Variants in RAB44 observed in about 807,000 individuals in gnomAD.
RAB44 encodes ras-related protein Rab-44.
A neutral mutation model predicts 93.3 loss-of-function variants in RAB44; 67 were observed. The observed-to-expected ratio is 0.72, with a 90% CI of 0.59 to 0.88. The LOEUF is 0.88. Among genes scored for constraint, RAB44 ranks in the 40% least tolerant of loss-of-function variants. RAB44 has a pLI of 0.00. For synonymous variants in RAB44, 427 were observed against 520.3 expected, an observed-to-expected ratio of 0.82 and a Z score of 2.44; for missense variants, 1,064 against 1,261.7, an observed-to-expected ratio of 0.84 and a Z score of 2.37.
At chr6:36,726,716 C>T (rs1763247017) in intron 10 of RAB44, among the ~76,000 whole-genome samples, 1 of 151,904 alleles carries the variant, frequency 6.6e-6, no homozygotes, top group Non-Finnish European at 1.5e-5. Flanking sequence ...AATAGGGGAC[C>T]AGTTAAATAA....
At chr6:36,710,477 G>A (rs1291055172) in intron 2 of RAB44, among the ~76,000 whole-genome samples, 1 of 151,952 alleles carries the variant, frequency 6.6e-6, no homozygotes, top group Non-Finnish European at 1.5e-5. Context: ...TTCTTTTGGT[G>A]ATTGTAAATA....
chr6:36,715,674 G>T (rs1416769759), intron 4 of RAB44, 21 bp downstream of exon 4: 2 of 1,533,556 alleles, frequency 1.3e-6, no homozygotes, highest in Non-Finnish European at 1.7e-6. Context: ...GGCGGCATGT[G>T]CATGGGGAGA....
intron 10 of RAB44, among the ~76,000 whole-genome samples, 189 bp from the exon 11 acceptor site, chr6:36,727,388 A>C (rs1763262662): frequency 6.6e-6 from 1 of 152,208 alleles, no homozygotes; most frequent in Admixed American, 6.5e-5. Context: ...GTTCTCCTTG[A>C]GACCTTTTGA....
intron 9 of RAB44, among the ~76,000 whole-genome samples, chr6:36,724,798 G>A (rs1763194783): frequency 6.6e-6 from 1 of 152,086 alleles, no homozygotes; most frequent in Non-Finnish European, 1.5e-5. Flanking sequence ...CTGCCCCCCG[G>A]TGGCTATCGT....
intron 1 of RAB44, among the ~76,000 whole-genome samples, chr6:36,703,065 T>C (rs1276139194): frequency 6.6e-6 from 1 of 152,234 alleles, no homozygotes; most frequent in Admixed American, 6.5e-5. Flanking sequence ...CAGAAATTTA[T>C]TTCCTCATCC....
rs1473364484 is a variant in RAB44 at position 36,717,452 on chromosome 6, G to A, written c.641+33G>A. On this transcript the variant is annotated intron_variant, in intron 5 of 13. Transcript: ENST00000612677. This position sits in a 1 kb window ranked among gnomAD's most constrained non-coding sequence, Gnocchi z 4.1. ...GGGGGCCTGGCCGGGTGTCTGATAC[G>A]AAGTAGGTGCTCTTCACATTCCAGT... The A allele has an allele frequency of 6.2e-5, 76 of 1,231,794 alleles. No homozygotes were observed. Among genetic ancestry groups the A allele is most frequent in the South Asian group, 1.2e-4 (3 of 24,268 alleles). 76.3% of individuals were successfully genotyped at this position (1,231,794 alleles called of 1,614,324 possible).
At chr6:36,727,289 T>C (rs1388101288) in intron 10 of RAB44, among the ~76,000 whole-genome samples, 1 of 152,068 alleles carries the variant, frequency 6.6e-6, no homozygotes, top group Non-Finnish European at 1.5e-5. Context: ...TCTGGAAAAA[T>C]ATTTAAGAAA....
chr6:36,704,106 G>A lies in RAB44; in HGVS notation c.-12-118G>A, dbSNP rs774657336. 599 of 928,816 alleles carry A rather than the reference G, an allele frequency of 6.4e-4. 2 individuals are homozygous for A. The highest frequency in any genetic ancestry group is 8.6e-4 in the Non-Finnish European group (536 of 620,212). 57.5% of individuals were successfully genotyped at this position (928,816 alleles called of 1,614,324 possible). A position where few individuals can be genotyped will look rare whatever the true frequency, so the allele number is the denominator to read the frequency against. On this transcript the variant is annotated intron_variant, in intron 1 of 13. Transcript: ENST00000612677. ...GACCCGGCGGGACACCATCAGGCCG[G>A]GCTTTGGCAGCCACAGTGGATTTTC...
chr6:36,718,211 C>A, intron 6 of RAB44, 93 bp downstream of exon 6: 1 of 823,058 alleles, frequency 1.2e-6, no homozygotes, highest in Non-Finnish European at 1.6e-6. Flanking sequence ...GGGTGGGGAA[C>A]AGGAGGCTGC....
At chr6:36,704,510 A>G (rs1421992892) in intron 2 of RAB44, 68 bp downstream of exon 2, 3 of 1,436,546 alleles carry the variant, frequency 2.1e-6, no homozygotes, top group Non-Finnish European at 2.8e-6. Flanking sequence ...CCTCTCCCCC[A>G]TCACAGGAAG....
At chr6:36,714,876 T>A (rs1035263682) in intron 3 of RAB44, among the ~76,000 whole-genome samples, 1 of 152,186 alleles carries the variant, frequency 6.6e-6, no homozygotes, top group Non-Finnish European at 1.5e-5. Context: ...ACCTCGTCCA[T>A]CTTGCTAGCC....
In RAB44 at chr6:36,721,198, C is replaced by G; in HGVS notation, c.1064C>G (p.Pro355Arg). 4.1e-6 allele frequency: 5 copies of G among 1,234,444 alleles called. No homozygotes were observed. The highest frequency in any genetic ancestry group is 5.1e-6 in the Non-Finnish European group (5 of 988,226). 76.5% of individuals were successfully genotyped at this position (1,234,444 alleles called of 1,614,324 possible). A position where few individuals can be genotyped will look rare whatever the true frequency, so the allele number is the denominator to read the frequency against. ...EKTPDPQAAS[P>R]EEAPLPGLFG... ...ACCCCAGACCCTCAGGCTGCCTCCC[C>G]TGAGGAGGCCCCCCTGCCTGGGCTA... is the stretch of plus-strand genomic sequence containing the variant. Residue 355 changes from proline to arginine, a missense_variant, in exon 9 of 14, where the codon CCT (proline) becomes CGT (arginine). Coordinates refer to ENST00000612677, the MANE Select transcript of RAB44 (RefSeq NM_001257357.2).
chr6:36,724,687 A>G (rs1763190881), intron 9 of RAB44, among the ~76,000 whole-genome samples: 1 of 151,716 alleles, frequency 6.6e-6, no homozygotes, highest in South Asian at 2.1e-4. Flanking sequence ...CAACCAACCA[A>G]CCAACCAACC....
At chr6:36,726,375 G>A (rs1453809501) in intron 10 of RAB44, among the ~76,000 whole-genome samples, 1 of 152,166 alleles carries the variant, frequency 6.6e-6, no homozygotes, top group Admixed American at 6.5e-5. Context: ...CCTCTGAGTA[G>A]CTGGGACTAC....
Position 36,731,648 on chromosome 6 carries a change from C to T in RAB44, c.2976-355C>T, listed in dbSNP as rs1006776901. On this transcript the variant is annotated intron_variant, in intron 13 of 13. Coordinates refer to ENST00000612677, the MANE Select transcript of RAB44 (RefSeq NM_001257357.2). This position sits in a 1 kb window ranked among gnomAD's most constrained non-coding sequence, Gnocchi z 4.0. ...CATGGCTCAGTTCGGTCACCATCTC[C>T]TTCCTCCCCAGATCCCTCCAGGACC... is the stretch of plus-strand genomic sequence containing the variant. Among the ~76,000 whole-genome samples the T allele has an allele frequency of 3.1e-4, 47 of 152,264 alleles. 1 individual carries two copies. The highest frequency in any genetic ancestry group is 8.2e-4 in the African/African-American group (34 of 41,554).
At chr6:36,723,002 G>A (rs1249538627) in intron 9 of RAB44, among the ~76,000 whole-genome samples, 2 of 152,240 alleles carry the variant, frequency 1.3e-5, no homozygotes, top group Admixed American at 6.5e-5. Flanking sequence ...AGGTGCCTGC[G>A]AGAGTTGATG....
intron 1 of RAB44, among the ~76,000 whole-genome samples, chr6:36,703,456 G>A (rs1477333586): frequency 6.6e-6 from 1 of 152,272 alleles, no homozygotes; most frequent in African/African-American, 2.4e-5. Context: ...GGAAGCAAAA[G>A]GTATTAACTA....
chr6:36,704,575 A>C, intron 2 of RAB44, 133 bp downstream of exon 2: 1 of 782,368 alleles, frequency 1.3e-6, no homozygotes, highest in African/African-American at 1.7e-5. Flanking sequence ...AGAAAACGCT[A>C]GGGATGTGTT....
At chr6:36,715,878 C>T (rs1385859944) in intron 4 of RAB44, among the ~76,000 whole-genome samples, 2 of 152,194 alleles carry the variant, frequency 1.3e-5, no homozygotes, top group South Asian at 2.1e-4. Context: ...GTTAAAACCA[C>T]GTGCAGAGGA....
Sources: gnomAD v4.1 joint callset for allele counts (sites outside exome capture counted in the v4.1 genomes callset) on GRCh38, gnomAD v4.1.1 for gene constraint, Gnocchi (gnomAD v3.1) non-coding constraint, MANE v1.5 for transcripts, NCBI Gene and HGNC (gene_info 2026-07-23, HGNC 2026-07-21) for gene names.